The following BANK1 variants were observed in gnomAD, a reference collection of about 807,000 sequenced individuals.
BANK1 encodes B-cell scaffold protein with ankyrin repeats.
BANK1 carries 95 observed loss-of-function variants against 94.5 expected under a neutral mutation model. That is an observed-to-expected ratio of 1.00 (90% CI 0.85 to 1.19). BANK1 has a LOEUF of 1.19. Among genes scored for constraint, BANK1 ranks in the 50% most tolerant of loss-of-function variants. The pLI, the probability that BANK1 is intolerant of heterozygous loss-of-function variation, is 0.00. For missense variants in BANK1, 987 were observed against 932.2 expected (o/e 1.06, Z -0.77); for synonymous variants, 334 against 308.4 (o/e 1.08, Z -0.87).
intron 11 of BANK1, among the ~76,000 whole-genome samples, chr4:102,045,058 T>C (rs1161618172): frequency 3.2e-4 from 48 of 152,122 alleles, no homozygotes; most frequent in African/African-American, 1.1e-3. Context: ...TTGTCAATTT[T>C]GGCTTTTGTT....
chr4:101,998,966 G>T (rs1005254100), intron 7 of BANK1, among the ~76,000 whole-genome samples: 1 of 152,076 alleles, frequency 6.6e-6, no homozygotes. Flanking sequence ...CTGATAAAGG[G>T]TGCAAAGAAC....
In BANK1 at chr4:101,820,938, G is replaced by A. The variant is rs143862774; in HGVS notation, c.71-8870G>A. Among the ~76,000 whole-genome samples, 1,014 of 152,150 alleles carry A rather than the reference G, an allele frequency of 6.7e-3. 8 individuals carry two copies. The highest frequency in any genetic ancestry group is 0.01 in the Middle Eastern group (3 of 294). Reference sequence around the variant, plus strand: ...GAATTGTGCTGCAGTGAACATTCACGTGCATGTGTCTTTATGGTAGAATGA... The same window carrying A: ...GAATTGTGCTGCAGTGAACATTCACATGCATGTGTCTTTATGGTAGAATGA... On this transcript the variant is annotated intron_variant, in intron 1 of 16. Transcript: ENST00000322953.
rs80262431 is a variant in BANK1, at chr4:102,038,742, C to T, written c.1901-5097C>T. Reference sequence around the variant, plus strand: ...AGAATGTAAATATTTGTGTTTGTATCGAAAGATGACATATGCAAATGAAAA... The same window carrying T: ...AGAATGTAAATATTTGTGTTTGTATTGAAAGATGACATATGCAAATGAAAA... On this transcript the variant is annotated intron_variant, in intron 10 of 16. Transcript: ENST00000322953. Among the ~76,000 whole-genome samples the T allele has an allele frequency of 8.5e-3, 1,291 of 152,132 alleles. 19 individuals carry two copies. The highest frequency in any genetic ancestry group is 0.029 in the African/African-American group (1,209 of 41,512).
At chr4:101,796,738 G>A (rs1398706566) in intron 1 of BANK1, among the ~76,000 whole-genome samples, 1 of 152,038 alleles carries the variant, frequency 6.6e-6, no homozygotes, top group Non-Finnish European at 1.5e-5. Flanking sequence ...CCCATGTTTT[G>A]TTAACAGGAT....
chr4:101,969,242 T>C (rs1724867903), intron 7 of BANK1, among the ~76,000 whole-genome samples: 1 of 152,184 alleles, frequency 6.6e-6, no homozygotes, highest in East Asian at 1.9e-4. Context: ...AGATCTTTTT[T>C]TTAAAAAAAT....
chr4:101,942,514 T>A (rs901157603), intron 7 of BANK1, among the ~76,000 whole-genome samples: 1 of 151,898 alleles, frequency 6.6e-6, no homozygotes, highest in Non-Finnish European at 1.5e-5. Context: ...TGCTCTCTTA[T>A]GGAAAATAAA....
chr4:101,829,981 CT>C lies in BANK1; in HGVS notation c.248del (p.Leu83Ter), dbSNP rs746285258. 1.9e-6 allele frequency: 3 copies of C among 1,613,566 alleles called. No homozygotes were observed. The highest frequency in any genetic ancestry group is 2.5e-6 in the Non-Finnish European group (3 of 1,179,842). ...GAACTTAACGTCTTACAAATGTAAA[CT>C]TTTGATATTATCAAATAGCCTGCTT... Reference protein sequence around the residue: ...LLNLTSYKCKLLILSNSLLRD... With the variant: ...LLNLTSYKCKXLILSNSLLRD... On this transcript the variant is annotated frameshift_variant, in exon 2 of 17. Coordinates refer to ENST00000322953, the MANE Select transcript of BANK1 (RefSeq NM_017935.5). LOFTEE classifies it high-confidence loss of function.
intron 2 of BANK1, among the ~76,000 whole-genome samples, chr4:101,840,787 G>C (rs1727017681): frequency 6.6e-6 from 1 of 150,540 alleles, no homozygotes; most frequent in Admixed American, 6.8e-5. Flanking sequence ...CTGTATTTCT[G>C]TGTGTGTGTC....
intron 2 of BANK1, among the ~76,000 whole-genome samples, chr4:101,847,733 T>TCTTACA (rs1553926594): frequency 2.0e-5 from 2 of 98,544 alleles, no homozygotes; most frequent in Admixed American, 2.5e-4. Flanking sequence ...TAGTATTCCA[T>TCTTACA]CATACACACA....
intron 1 of BANK1, among the ~76,000 whole-genome samples, chr4:101,799,503 G>A (rs1340168810): frequency 3.9e-5 from 6 of 152,236 alleles, no homozygotes; most frequent in Admixed American, 6.5e-5. Context: ...ACATGCACAC[G>A]TATGTTTATT....
intron 7 of BANK1, among the ~76,000 whole-genome samples, chr4:101,947,966 A>G (rs1008312319): frequency 9.2e-5 from 14 of 152,058 alleles, no homozygotes; most frequent in African/African-American, 3.1e-4. Flanking sequence ...TCTTCTCAGG[A>G]TTATTCATCC....
chr4:101,941,963 G>A (rs964960052), intron 7 of BANK1, among the ~76,000 whole-genome samples: 4 of 151,784 alleles, frequency 2.6e-5, no homozygotes, highest in Non-Finnish European at 4.4e-5. Context: ...AAATAGAACA[G>A]TAGAGCACAT....
intron 7 of BANK1, among the ~76,000 whole-genome samples, chr4:102,013,908 T>G (rs1726605188): frequency 6.6e-6 from 1 of 152,096 alleles, no homozygotes; most frequent in African/African-American, 2.4e-5. Flanking sequence ...TTCGAGTGTT[T>G]TCTATGTACA....
chr4:101,868,795 A>AG lies in BANK1; in HGVS notation c.764-1705dup, dbSNP rs201471470. Among the ~76,000 whole-genome samples the AG allele has an allele frequency of 8.3e-4, 126 of 151,996 alleles. 2 individuals are homozygous for AG. In the East Asian group the frequency reaches 0.015, roughly 19 times the overall value. On this transcript the variant is annotated intron_variant, in intron 4 of 16. Transcript: ENST00000322953. Reference sequence around the variant, plus strand: ...AGGTCAGTTCAATAATATATTACTGAGGGGGCCTTCCAACCAGATGAATCT... The same window carrying AG: ...AGGTCAGTTCAATAATATATTACTGAGGGGGGCCTTCCAACCAGATGAATCT...
chr4:101,960,127 A>G (rs907050724), intron 7 of BANK1, among the ~76,000 whole-genome samples: 2 of 152,180 alleles, frequency 1.3e-5, no homozygotes, highest in Non-Finnish European at 2.9e-5. Context: ...CCTTTTATTT[A>G]AAAAACTAGG....
chr4:101,842,559 C>T (rs775511050), intron 2 of BANK1, among the ~76,000 whole-genome samples: 5 of 152,164 alleles, frequency 3.3e-5, no homozygotes, highest in African/African-American at 4.8e-5. Flanking sequence ...TTTCAAATAA[C>T]TATACTCTTG....
At chr4:102,010,251 T>C (rs113031429) in intron 7 of BANK1, among the ~76,000 whole-genome samples, 2,638 of 151,726 alleles carry the variant, frequency 0.017, 57 homozygotes, top group Middle Eastern at 0.061. Flanking sequence ...GGCGACAGAG[T>C]GAAACTCCAT....
intron 11 of BANK1, among the ~76,000 whole-genome samples, chr4:102,045,125 G>A (rs1394521219): frequency 6.6e-6 from 1 of 152,092 alleles, no homozygotes; most frequent in Non-Finnish European, 1.5e-5. Context: ...GTCCTGAATG[G>A]TAATGCCTAG....
chr4:102,069,214 G>A (rs1260226715), intron 13 of BANK1, among the ~76,000 whole-genome samples: 1 of 152,162 alleles, frequency 6.6e-6, no homozygotes, highest in Non-Finnish European at 1.5e-5. Flanking sequence ...AATAATTACA[G>A]AGAGATAAAT....
Sources: gnomAD v4.1 joint callset for allele counts (sites outside exome capture counted in the v4.1 genomes callset) on GRCh38, gnomAD v4.1.1 for gene constraint, MANE v1.5 for transcripts, NCBI Gene and HGNC (gene_info 2026-07-23, HGNC 2026-07-21) for gene names.